GRAMD2B: variants seen among roughly 807,000 people sequenced by gnomAD.
GRAMD2B encodes the protein GRAM domain containing 2B, also known as GRAM domain-containing protein 2B.
GRAMD2B carries 41 observed loss-of-function variants against 59.2 expected under a neutral mutation model. The ratio of observed to expected loss-of-function variants is 0.69; its 90% CI spans 0.54 to 0.90. The LOEUF (loss-of-function observed/expected upper bound fraction) is 0.90, where lower values mean the gene tolerates loss of function less well. Among genes scored for constraint, GRAMD2B ranks in the 40% least tolerant of loss-of-function variants. The pLI is 0.00. For missense variants in GRAMD2B, 424 were observed against 500.5 expected (o/e 0.85, Z 1.46); for synonymous variants, 161 against 182.7 (o/e 0.88, Z 0.96).
intron 3 of GRAMD2B, among the ~76,000 whole-genome samples, chr5:126,470,010 TC>T (rs1220651143): frequency 1.2e-4 from 18 of 152,168 alleles, no homozygotes; most frequent in African/African-American, 3.9e-4. Context: ...GGTAGTGAGT[TC>T]CATGCTGTGG....
At chr5:126,487,868 G>A (rs1308288074) in intron 12 of GRAMD2B, among the ~76,000 whole-genome samples, 1 of 152,148 alleles carries the variant, frequency 6.6e-6, no homozygotes, top group East Asian at 1.9e-4. Flanking sequence ...TCTACCAGTG[G>A]CTCTCAAATT....
chr5:126,490,601 A>G (rs934924791), intron 13 of GRAMD2B, among the ~76,000 whole-genome samples: 1 of 152,236 alleles, frequency 6.6e-6, no homozygotes, highest in Non-Finnish European at 1.5e-5. Context: ...ACATTGCTCA[A>G]AAGAATCTAA....
chr5:126,423,994 A>C (rs1760142065), intron 1 of GRAMD2B, among the ~76,000 whole-genome samples: 1 of 152,242 alleles, frequency 6.6e-6, no homozygotes, highest in Admixed American at 6.5e-5. Context: ...CAAAGTCCCA[A>C]CACAGCCCTT....
chr5:126,360,804 G>T (rs540138391), intron 1 of GRAMD2B, among the ~76,000 whole-genome samples: 35 of 152,238 alleles, frequency 2.3e-4, no homozygotes, highest in Admixed American at 3.9e-4. Context: ...GAAAGATACA[G>T]TTGCAATCTA....
upstream of GRAMD2B, among the ~76,000 whole-genome samples, chr5:126,370,247 G>A (rs1754677406): frequency 6.6e-6 from 1 of 152,212 alleles, no homozygotes; most frequent in Non-Finnish European, 1.5e-5. Flanking sequence ...AGTGTTCTTA[G>A]GGTCAATACA....
At chr5:126,456,234 A>G (rs1766256366) in intron 1 of GRAMD2B, among the ~76,000 whole-genome samples, 1 of 152,102 alleles carries the variant, frequency 6.6e-6, no homozygotes, top group Non-Finnish European at 1.5e-5. Flanking sequence ...TTGTTGAGAC[A>G]GGGTCTCACT....
At chr5:126,393,067 G>C (rs1269680023) in intron 1 of GRAMD2B, among the ~76,000 whole-genome samples, 7 of 152,178 alleles carry the variant, frequency 4.6e-5, no homozygotes, top group Admixed American at 1.3e-4. Context: ...ATGGTTTAAG[G>C]ACTGAGTGGG....
intron 1 of GRAMD2B, among the ~76,000 whole-genome samples, chr5:126,407,151 G>GT (rs1758332133): frequency 6.6e-6 from 1 of 151,984 alleles, no homozygotes; most frequent in South Asian, 2.1e-4. Flanking sequence ...AGTGACAGAG[G>GT]TAAGTAGCCT....
chr5:126,456,621 C>G (rs928024645), intron 1 of GRAMD2B, among the ~76,000 whole-genome samples: 1 of 152,178 alleles, frequency 6.6e-6, no homozygotes, highest in African/African-American at 2.4e-5. Flanking sequence ...CTCTCAACTT[C>G]CTGTTTTGAT....
At chr5:126,404,604 C>G (rs1758110998) in intron 1 of GRAMD2B, among the ~76,000 whole-genome samples, 1 of 151,822 alleles carries the variant, frequency 6.6e-6, no homozygotes, top group Non-Finnish European at 1.5e-5. Flanking sequence ...CAGATTATGA[C>G]AGGGGAGTCT....
In GRAMD2B at chr5:126,469,789, GTAAT is replaced by G. The variant is rs1769202194; in HGVS notation, c.315+3_315+6del. 1 of 1,603,484 alleles carries G rather than the reference GTAAT, an allele frequency of 6.2e-7. No homozygotes were observed. The highest frequency in any genetic ancestry group is 1.3e-5 in the African/African-American group (1 of 74,494). ...AAAAAAGTCTTCATCTTCCAGCCAG[GTAAT>G]TTGAGAATGGAATTTGTATTGTCTT... On this transcript the variant is annotated splice_donor_variant and splice_donor_5th_base_variant and intron_variant, in intron 3 of 13. Coordinates refer to ENST00000285689, the MANE Select transcript of GRAMD2B (RefSeq NM_023927.4). LOFTEE classifies it high-confidence loss of function.
At chr5:126,366,945 T>G (rs1754476997), upstream of GRAMD2B, among the ~76,000 whole-genome samples, 1 of 149,234 alleles carries the variant, frequency 6.7e-6, no homozygotes, top group Non-Finnish European at 1.5e-5. Flanking sequence ...ACCTCCGCCT[T>G]CCGGATCCAA....
chr5:126,394,838 T>C (rs559730749), intron 1 of GRAMD2B, among the ~76,000 whole-genome samples: 2 of 152,350 alleles, frequency 1.3e-5, no homozygotes, highest in African/African-American at 4.8e-5. Context: ...TTTTTCTACA[T>C]TTGGAGTACC....
At chr5:126,361,184 G>A (rs566876873) in intron 1 of GRAMD2B, among the ~76,000 whole-genome samples, 112 of 152,204 alleles carry the variant, frequency 7.4e-4, no homozygotes, top group Middle Eastern at 3.4e-3. Flanking sequence ...ATAAATAATT[G>A]TATTGAAGGG....
In GRAMD2B at chr5:126,477,739, T is replaced by A; in HGVS notation, c.534T>A (p.Thr178=). Residue 178 remains threonine (T), a synonymous_variant, in exon 6 of 14, where the codon ACT becomes ACA. Transcript: ENST00000285689. ...TAACCCTAATAAAGAAAACCAAAAC[T>A]GCTCTTCTAGTGCCAAACGCCCTGA... ...FSVTLIKKTK[T]ALLVPNALII... 1 of 1,613,184 alleles carries A rather than the reference T, an allele frequency of 6.2e-7. No homozygotes were observed. The highest frequency in any genetic ancestry group is 8.5e-7 in the Non-Finnish European group (1 of 1,179,108).
At chr5:126,490,629 C>G (rs2126983957) in intron 13 of GRAMD2B, among the ~76,000 whole-genome samples, 1 of 152,298 alleles carries the variant, frequency 6.6e-6, no homozygotes, top group South Asian at 2.1e-4. Flanking sequence ...AAAAGAGGTA[C>G]CAGGCCACAC....
At chr5:126,394,514 C>T (rs1175431889) in intron 1 of GRAMD2B, among the ~76,000 whole-genome samples, 1 of 152,166 alleles carries the variant, frequency 6.6e-6, no homozygotes. Flanking sequence ...TAATGAGCTG[C>T]CTGTAGCTGG....
At chr5:126,421,316 G>A (rs1296222181), upstream of GRAMD2B, among the ~76,000 whole-genome samples, 1 of 152,222 alleles carries the variant, frequency 6.6e-6, no homozygotes, top group Non-Finnish European at 1.5e-5. Flanking sequence ...GCTCTGTAAT[G>A]AGAAGTTGGA....
chr5:126,391,852 T>G (rs2149721479), intron 1 of GRAMD2B, among the ~76,000 whole-genome samples: 1 of 152,340 alleles, frequency 6.6e-6, no homozygotes, highest in East Asian at 1.9e-4. Context: ...CTGTTTGTGG[T>G]ACTAAAATCA....
Sources: allele counts gnomAD v4.1 joint callset (sites outside exome capture counted in the v4.1 genomes callset), GRCh38; gene constraint gnomAD v4.1.1; transcripts MANE v1.5; gene names NCBI Gene and HGNC (gene_info 2026-07-23, HGNC 2026-07-21).